The following DENND1A variants were observed in gnomAD, a reference collection of about 807,000 sequenced individuals.
The protein encoded by DENND1A is DENN domain-containing protein 1A.
DENND1A carries 51 observed loss-of-function variants against 113.7 expected under a neutral mutation model. The observed-to-expected ratio is 0.45, with a 90% CI of 0.36 to 0.57. DENND1A has a LOEUF of 0.57. Among genes scored for constraint, DENND1A ranks in the 20% least tolerant of loss-of-function variants. DENND1A has a pLI of 0.00. For missense variants in DENND1A, 1,258 were observed against 1,395.9 expected (o/e 0.90, Z 1.57); for synonymous variants, 565 against 570.8 (o/e 0.99, Z 0.14).
At chr9:123,600,030 C>T (rs979490657) in intron 11 of DENND1A, among the ~76,000 whole-genome samples, 2 of 152,138 alleles carry the variant, frequency 1.3e-5, no homozygotes, top group African/African-American at 4.8e-5. Flanking sequence ...CATCACACTG[C>T]TGGTCTCTGA....
At chr9:123,429,615 T>C (rs766058034) in intron 19 of DENND1A, among the ~76,000 whole-genome samples, 1 of 152,096 alleles carries the variant, frequency 6.6e-6, no homozygotes. Context: ...ATTTAACAAA[T>C]GGTGCTGGGA....
At chr9:123,516,087 TAG>T (rs2053869200) in intron 13 of DENND1A, among the ~76,000 whole-genome samples, 1 of 138,960 alleles carries the variant, frequency 7.2e-6, no homozygotes, top group African/African-American at 2.7e-5. Context: ...TATATATATA[TAG>T]ATATATATAC....
At chr9:123,798,778 C>T (rs1192502788) in intron 2 of DENND1A, among the ~76,000 whole-genome samples, 1 of 149,222 alleles carries the variant, frequency 6.7e-6, no homozygotes, top group African/African-American at 2.5e-5. Flanking sequence ...TTACATTTAC[C>T]TTTTTCTCTA....
chr9:123,726,737 C>T (rs2067737821), intron 5 of DENND1A, among the ~76,000 whole-genome samples: 1 of 152,136 alleles, frequency 6.6e-6, no homozygotes, highest in African/African-American at 2.4e-5. Flanking sequence ...GATTTTTAGC[C>T]TATGATCCAG....
intron 21 of DENND1A, chr9:123,401,318 C>A (rs1055761384): frequency 2.5e-5 from 5 of 204,042 alleles, no homozygotes; most frequent in Non-Finnish European, 4.4e-5. Context: ...TGTGACATGG[C>A]ATTTGGAAGG....
At chr9:123,414,425 G>A in intron 19 of DENND1A, 1 of 1,456,386 alleles carries the variant, frequency 6.9e-7, no homozygotes, top group East Asian at 2.5e-5. Flanking sequence ...TTGGCACTTG[G>A]CAGATGAAAT....
intron 5 of DENND1A, among the ~76,000 whole-genome samples, chr9:123,729,988 G>A (rs927997124): frequency 4.6e-5 from 7 of 152,146 alleles, no homozygotes; most frequent in African/African-American, 1.4e-4. Context: ...TGAAAAACCT[G>A]AGAAAAACAA....
At chr9:123,414,696 G>T in intron 19 of DENND1A, 1 of 1,409,944 alleles carries the variant, frequency 7.1e-7, no homozygotes, top group Non-Finnish European at 9.7e-7. Flanking sequence ...AAGTTTATTT[G>T]AACATAGACT....
intron 13 of DENND1A, among the ~76,000 whole-genome samples, chr9:123,553,152 G>A (rs988318752): frequency 2.0e-5 from 3 of 152,188 alleles, no homozygotes; most frequent in African/African-American, 4.8e-5. Flanking sequence ...AGCTAGCTGG[G>A]AGGCTGATGT....
At chr9:123,829,629 TA>T (rs1326176505) in intron 2 of DENND1A, among the ~76,000 whole-genome samples, 3 of 150,572 alleles carry the variant, frequency 2.0e-5, no homozygotes, top group African/African-American at 4.9e-5. Flanking sequence ...AAAGAAGAAA[TA>T]AAAAACAAGG....
rs539319065 is a variant in DENND1A at position 123,635,362 on chromosome 9, A to G, written c.619-4886T>C. On this transcript the variant is annotated intron_variant, in intron 9 of 23. Transcript: ENST00000394215. ...ATTAGGAAACAGTTTCAGAGGTGAA[A>G]TAACTTGCCCAAGGCCACATCGACA... Among the ~76,000 whole-genome samples the G allele has an allele frequency of 2.0e-5, 3 of 152,382 alleles. No individual in the cohort carries two copies. In the South Asian group the frequency reaches 6.2e-4, roughly 32 times the overall value.
At chr9:123,423,197 G>A (rs1435494686) in intron 19 of DENND1A, among the ~76,000 whole-genome samples, 1 of 152,140 alleles carries the variant, frequency 6.6e-6, no homozygotes, top group East Asian at 1.9e-4. Flanking sequence ...CTGACTTCCC[G>A]AAAGCTCAGC....
At chr9:123,709,561 A>G (rs2066450853) in intron 5 of DENND1A, among the ~76,000 whole-genome samples, 1 of 151,850 alleles carries the variant, frequency 6.6e-6, no homozygotes, top group South Asian at 2.1e-4. Context: ...ATGTCCCTTT[A>G]AGTTTTCCGT....
In DENND1A at chr9:123,423,180, C is replaced by T. The variant is rs72755175; in HGVS notation, c.1489-11351G>A. 4.0e-3 allele frequency among the ~76,000 whole-genome samples: 603 copies of T among 152,266 alleles called. 4 individuals carry two copies. Among genetic ancestry groups the T allele is most frequent in the Non-Finnish European group, 7.1e-3 (480 of 68,012 alleles). ...AGAGCTCAAAATGGGGCGGCAGAGA[C>T]GGGACACTGACTTCCCGAAAGCTCA... On this transcript the variant is annotated intron_variant, in intron 19 of 23. Coordinates refer to ENST00000394215, the MANE Select transcript of DENND1A (RefSeq NM_001352964.2).
intron 13 of DENND1A, among the ~76,000 whole-genome samples, chr9:123,535,340 G>T (rs2055667353): frequency 6.6e-6 from 1 of 152,190 alleles, no homozygotes; most frequent in Non-Finnish European, 1.5e-5. Flanking sequence ...CAGGTACTCA[G>T]GAGGCCAGGG....
intron 18 of DENND1A, among the ~76,000 whole-genome samples, chr9:123,441,214 G>A (rs1350812733): frequency 1.3e-5 from 2 of 152,166 alleles, no homozygotes; most frequent in Non-Finnish European, 2.9e-5. Flanking sequence ...CGATACTTGT[G>A]AGCTGTATCA....
At chr9:123,541,775 C>T (rs150451553) in intron 13 of DENND1A, among the ~76,000 whole-genome samples, 27 of 152,302 alleles carry the variant, frequency 1.8e-4, no homozygotes, top group African/African-American at 1.9e-4. Context: ...GCACAGAGGA[C>T]GAGTACTTCC....
intron 6 of DENND1A, among the ~76,000 whole-genome samples, chr9:123,674,342 T>TCACACACACACACACA (rs546398875): frequency 7.6e-6 from 1 of 132,300 alleles, no homozygotes; most frequent in African/African-American, 2.9e-5. Context: ...TGTCTCTCTC[T>TCACACACACACACACA]CACACACACA....
At chr9:123,794,942 T>C (rs1200344704) in intron 2 of DENND1A, among the ~76,000 whole-genome samples, 1 of 152,100 alleles carries the variant, frequency 6.6e-6, no homozygotes, top group Non-Finnish European at 1.5e-5. Context: ...TGGAAAGCAA[T>C]ATAAACGCCA....
Sources: gnomAD v4.1 joint callset for allele counts (sites outside exome capture counted in the v4.1 genomes callset) on GRCh38, gnomAD v4.1.1 for gene constraint, MANE v1.5 for transcripts, NCBI Gene and HGNC (gene_info 2026-07-23, HGNC 2026-07-21) for gene names.